Variants in KCNJ6 observed in about 807,000 individuals in gnomAD.
KCNJ6 encodes the protein potassium inwardly rectifying channel subfamily J member 6.
Under a neutral mutation model 34.2 loss-of-function variants are expected in KCNJ6, and 9 were observed. The observed-to-expected ratio is 0.26, with a 90% confidence interval of 0.16 to 0.46. KCNJ6 has a LOEUF of 0.46. Ranked by LOEUF, KCNJ6 falls within the 20% of genes least tolerant of loss-of-function variation. The probability of loss-of-function intolerance (pLI) is 1.00; values close to 1 mark genes in which losing one functional copy is unlikely to be tolerated. For missense variants in KCNJ6, 236 were observed against 531.3 expected (o/e 0.44, Z 5.46); for synonymous variants, 196 against 207.1 (o/e 0.95, Z 0.46).
chr21:37,701,393 T>TG (rs1569448033), intron 3 of KCNJ6, among the ~76,000 whole-genome samples: 2 of 108,142 alleles, frequency 1.8e-5, no homozygotes, highest in Non-Finnish European at 4.3e-5. Flanking sequence ...CAGGTTAACT[T>TG]TTTGTGTGTG....
intron 1 of KCNJ6, among the ~76,000 whole-genome samples, chr21:37,855,871 C>A (rs1391640951): frequency 6.6e-6 from 1 of 152,242 alleles, no homozygotes; most frequent in East Asian, 1.9e-4. Context: ...AAATGACTCT[C>A]TCCACTTTTA....
chr21:37,851,019 C>T (rs1157032225), intron 1 of KCNJ6, among the ~76,000 whole-genome samples: 7 of 152,170 alleles, frequency 4.6e-5, no homozygotes, highest in African/African-American at 1.4e-4. Flanking sequence ...TGAAAACACA[C>T]AGCCTTTGGG....
intron 3 of KCNJ6, among the ~76,000 whole-genome samples, chr21:37,699,528 G>C (rs547440927): frequency 6.6e-6 from 1 of 152,354 alleles, no homozygotes; most frequent in Admixed American, 6.5e-5. Context: ...TCCTCTGGCA[G>C]AGGGGAGGAG....
intron 2 of KCNJ6, among the ~76,000 whole-genome samples, chr21:37,744,311 A>G (rs2054956193): frequency 6.6e-6 from 1 of 152,142 alleles, no homozygotes; most frequent in South Asian, 2.1e-4. Flanking sequence ...TTAAAGTATA[A>G]TAATAATAAA....
chr21:37,654,894 T>C (rs893192277), intron 3 of KCNJ6, among the ~76,000 whole-genome samples: 2 of 151,426 alleles, frequency 1.3e-5, no homozygotes, highest in African/African-American at 2.5e-5. Flanking sequence ...CCAATCGGCA[T>C]GGACATCCCC....
intron 2 of KCNJ6, among the ~76,000 whole-genome samples, chr21:37,818,106 C>T (rs2055355140): frequency 2.0e-5 from 3 of 152,168 alleles, no homozygotes; most frequent in African/African-American, 7.2e-5. Context: ...AAACATTCCC[C>T]AGTCTTGTCC....
At chr21:37,639,041 T>C (rs1001165961) in intron 3 of KCNJ6, among the ~76,000 whole-genome samples, 4 of 152,238 alleles carry the variant, frequency 2.6e-5, no homozygotes, top group African/African-American at 9.6e-5. Context: ...TTATTTAGCC[T>C]GAGGGCTCCC....
In KCNJ6 at chr21:37,702,987, T is replaced by G. The variant is rs2054699293; in HGVS notation, c.946+11224A>C. Among the ~76,000 whole-genome samples, 3 of 151,960 alleles carry G rather than the reference T, an allele frequency of 2.0e-5. No homozygotes were observed. The South Asian group carries it at 6.2e-4, about 32-fold the overall frequency. On this transcript the variant is annotated intron_variant, in intron 3 of 3. Transcript: ENST00000609713. ...GTGGTGTGGTGGGAAGGGAAGCCCA[T>G]TTGAGATGGGAAGTAAGAAAGTGGC... is the stretch of plus-strand genomic sequence containing the variant.
intron 1 of KCNJ6, among the ~76,000 whole-genome samples, chr21:37,869,615 A>C (rs1282327969): frequency 6.6e-6 from 1 of 152,238 alleles, no homozygotes; most frequent in South Asian, 2.1e-4. Flanking sequence ...GGCTGATGAC[A>C]TGGACTGATT....
chr21:37,806,273 C>CT (rs1173675563), intron 2 of KCNJ6, among the ~76,000 whole-genome samples: 2 of 152,156 alleles, frequency 1.3e-5, no homozygotes, highest in African/African-American at 4.8e-5. Context: ...TATTTCAACT[C>CT]TGAGTTAATG....
intron 1 of KCNJ6, among the ~76,000 whole-genome samples, chr21:37,856,194 C>T (rs543518284): frequency 1.3e-5 from 2 of 152,282 alleles, no homozygotes. Flanking sequence ...TTTAAAATCT[C>T]GTAATTCTTC....
intron 1 of KCNJ6, among the ~76,000 whole-genome samples, chr21:37,878,902 C>G (rs560314170): frequency 5.9e-4 from 90 of 152,246 alleles, no homozygotes; most frequent in African/African-American, 2.1e-3. Context: ...CCTGATAGAC[C>G]AACACCACAG....
intron 2 of KCNJ6, among the ~76,000 whole-genome samples, chr21:37,798,256 G>A (rs1211876478): frequency 6.6e-6 from 1 of 152,170 alleles, no homozygotes; most frequent in Non-Finnish European, 1.5e-5. Flanking sequence ...ATTCCTCTGT[G>A]CCTGGGGCAC....
At chr21:37,712,544 TCCTC>T (rs1344373307) in intron 3 of KCNJ6, among the ~76,000 whole-genome samples, 5 of 76,128 alleles carry the variant, frequency 6.6e-5, no homozygotes, top group Admixed American at 1.3e-4. Context: ...CCCTCCCTCC[TCCTC>T]CCTCCCTCCT....
In KCNJ6 at chr21:37,727,422, G is replaced by C. The variant is rs548504643; in HGVS notation, c.26-12291C>G. Among the ~76,000 whole-genome samples, 28 of 151,378 alleles carry C rather than the reference G, an allele frequency of 1.8e-4. No individual in the cohort carries two copies. The East Asian group carries it at 5.5e-3, about 30-fold the overall frequency. On this transcript the variant is annotated intron_variant, in intron 2 of 3. Coordinates refer to ENST00000609713, the MANE Select transcript of KCNJ6 (RefSeq NM_002240.5). ...TGTAGATGAAGTATTTAAAGGCAGA[G>C]AGAGCTGGAGGGGAGCTGAATGGAG...
intron 2 of KCNJ6, among the ~76,000 whole-genome samples, chr21:37,796,779 C>CTTTTTTTTTT (rs1172378200): frequency 4.2e-4 from 30 of 71,476 alleles, no homozygotes; most frequent in East Asian, 9.6e-4. Context: ...TTCTTTCTTT[C>CTTTTTTTTTT]TTTTTTTTTT....
chr21:37,859,518 T>A (rs1247003449), intron 1 of KCNJ6, among the ~76,000 whole-genome samples: 1 of 58,706 alleles, frequency 1.7e-5, no homozygotes, highest in African/African-American at 5.9e-5. Context: ...TATATATATA[T>A]ATATATATAT....
At chr21:37,738,771 CT>C (rs937161234) in intron 2 of KCNJ6, among the ~76,000 whole-genome samples, 29 of 152,298 alleles carry the variant, frequency 1.9e-4, no homozygotes, top group African/African-American at 6.7e-4. Context: ...TTAATGGGCC[CT>C]GCATTGACTT....
At chr21:37,636,338 A>G (rs1364023432) in intron 3 of KCNJ6, among the ~76,000 whole-genome samples, 2 of 152,240 alleles carry the variant, frequency 1.3e-5, no homozygotes, top group Non-Finnish European at 2.9e-5. Context: ...AAACTCACCC[A>G]GGACAGGAAG....
Sources: gnomAD v4.1 joint callset for allele counts (sites outside exome capture counted in the v4.1 genomes callset) on GRCh38, gnomAD v4.1.1 for gene constraint, MANE v1.5 for transcripts, NCBI Gene and HGNC (gene_info 2026-07-23, HGNC 2026-07-21) for gene names.